The following PAK1IP1 variants were observed in gnomAD, a reference collection of about 807,000 sequenced individuals.
The protein encoded by PAK1IP1 is PAK1 interacting protein 1.
Under a neutral mutation model 42.0 loss-of-function variants are expected in PAK1IP1, and 24 were observed. The ratio of observed to expected loss-of-function variants is 0.57; its 90% CI spans 0.41 to 0.80. The LOEUF (loss-of-function observed/expected upper bound fraction) is 0.80. Among genes scored for constraint, PAK1IP1 ranks in the 30% least tolerant of loss-of-function variants. The probability of loss-of-function intolerance (pLI) is 0.00; values close to 1 mark genes in which losing one functional copy is unlikely to be tolerated. For synonymous variants in PAK1IP1, 154 were observed against 156.7 expected (o/e 0.98, Z 0.13); for missense variants, 411 against 467.9 (o/e 0.88, Z 1.12).
chr6:10,704,970 C>G, intron 7 of PAK1IP1, 126 bp downstream of exon 7: 1 of 682,456 alleles, frequency 1.5e-6, no homozygotes, highest in Non-Finnish European at 2.6e-6. Context: ...TCTACATGTA[C>G]AGTATATGGT....
At chr6:10,699,728 A>T (rs1226840061) in intron 2 of PAK1IP1, among the ~76,000 whole-genome samples, 2 of 152,214 alleles carry the variant, frequency 1.3e-5, no homozygotes, top group East Asian at 3.8e-4. Flanking sequence ...ATTTCAGAGG[A>T]TCCACACCAG....
chr6:10,700,369 C>T (rs1769990599), intron 2 of PAK1IP1, among the ~76,000 whole-genome samples: 1 of 152,076 alleles, frequency 6.6e-6, no homozygotes, highest in African/African-American at 2.4e-5. Context: ...AAAAAAACAA[C>T]TTTTATAATG....
In PAK1IP1 at chr6:10,697,448, A is replaced by G. The variant is rs758617036; in HGVS notation, c.209A>G (p.Lys70Arg). 2 of 1,614,120 alleles carry G rather than the reference A, an allele frequency of 1.2e-6. No homozygotes were observed. Among genetic ancestry groups the G allele is most frequent in the African/African-American group, 1.3e-5 (1 of 75,066 alleles). ...KDETIHIYDM[K>R]KKIEHGALVH... ...GAAACAATTCACATTTATGACATGA[A>G]AAAGAAGATTGAGCATGGGGCTCTA... The change falls in exon 2 of 10, where the codon AAA becomes AGA. Residue 70 changes from lysine (K) to arginine (R), a missense_variant. Lys to Arg is a conservative substitution (Grantham distance 26). Coordinates refer to ENST00000379568, the MANE Select transcript of PAK1IP1 (RefSeq NM_017906.3).
upstream of PAK1IP1, among the ~76,000 whole-genome samples, chr6:10,692,553 G>A (rs1321858125): frequency 2.0e-5 from 3 of 151,946 alleles, no homozygotes; most frequent in African/African-American, 7.3e-5. Context: ...CGATTCTCCC[G>A]CCTCACCCTC....
intron 2 of PAK1IP1, among the ~76,000 whole-genome samples, chr6:10,698,021 C>G (rs866781300): frequency 6.6e-6 from 1 of 152,070 alleles, no homozygotes; most frequent in African/African-American, 2.4e-5. Context: ...TCTGAATTAT[C>G]TTAAAAGAGA....
At chr6:10,702,676 G>T in intron 4 of PAK1IP1, 37 bp downstream of exon 4, 1 of 1,436,390 alleles carries the variant, frequency 7.0e-7, no homozygotes. Context: ...TATCTAAGGT[G>T]TGTGTTTTAC....
intron 8 of PAK1IP1, 98 bp from the exon 9 acceptor site, chr6:10,708,855 C>A: frequency 1.0e-6 from 1 of 987,306 alleles, no homozygotes; most frequent in Non-Finnish European, 1.5e-6. Context: ...ATATTTTGTA[C>A]TCAAGAAAAT....
intron 7 of PAK1IP1, among the ~76,000 whole-genome samples, chr6:10,706,357 T>G (rs1303568014): frequency 6.6e-6 from 1 of 151,866 alleles, no homozygotes; most frequent in Non-Finnish European, 1.5e-5. Context: ...TGGAAGCCAA[T>G]CGGTGCCTGT....
intron 2 of PAK1IP1, among the ~76,000 whole-genome samples, chr6:10,700,974 C>CG (rs1770009196): frequency 6.6e-6 from 1 of 152,138 alleles, no homozygotes; most frequent in East Asian, 1.9e-4. Flanking sequence ...CTAATGCTCT[C>CG]CTTCCCGCAA....
In PAK1IP1 at chr6:10,709,607, A is replaced by ATT. The variant is rs1561896311; in HGVS notation, c.*155_*156insTT. 5.4e-5 allele frequency: 23 copies of ATT among 422,032 alleles called. No individual in the cohort carries two copies. The highest frequency in any genetic ancestry group is 4.6e-4 in the African/African-American group (20 of 43,590). 26.1% of individuals were successfully genotyped at this position (422,032 alleles called of 1,614,324 possible). A position where few individuals can be genotyped will look rare whatever the true frequency, so the allele number is the denominator to read the frequency against. ...CCACTTTTAGATGGTTTTTTTTAAA[A>ATT]AAAAAAAAAAAACTGGTAAAATTAC... On this transcript the variant is annotated 3_prime_UTR_variant, in exon 10 of 10. Coordinates refer to ENST00000379568, the MANE Select transcript of PAK1IP1 (RefSeq NM_017906.3).
intron 7 of PAK1IP1, among the ~76,000 whole-genome samples, chr6:10,706,112 A>G (rs903586135): frequency 1.3e-5 from 2 of 152,174 alleles, no homozygotes; most frequent in African/African-American, 2.4e-5. Flanking sequence ...AAGCAAGCAG[A>G]TCATTATAAC....
At chr6:10,708,689 A>G (rs1285715383) in intron 8 of PAK1IP1, among the ~76,000 whole-genome samples, 3 of 143,486 alleles carry the variant, frequency 2.1e-5, no homozygotes, top group African/African-American at 5.2e-5. Flanking sequence ...CCTGCCCCCC[A>G]CCCCACAACA....
intron 1 of PAK1IP1, 85 bp from the exon 2 acceptor site, chr6:10,697,239 C>A: frequency 1.8e-6 from 2 of 1,090,478 alleles, no homozygotes; most frequent in Non-Finnish European, 2.7e-6. Flanking sequence ...ATAAATGGTT[C>A]CGTGATTCAT....
At chr6:10,703,788 T>C (rs1173769351) in intron 5 of PAK1IP1, among the ~76,000 whole-genome samples, 1 of 152,222 alleles carries the variant, frequency 6.6e-6, no homozygotes, top group African/African-American at 2.4e-5. Context: ...CCCAAGCATT[T>C]TGGATAAGGG....
chr6:10,708,213 C>A (rs2127482162), intron 8 of PAK1IP1, among the ~76,000 whole-genome samples: 1 of 145,908 alleles, frequency 6.9e-6, no homozygotes, highest in East Asian at 2.2e-4. Context: ...ACTGCCAGTC[C>A]CTGGTAACTA....
intron 1 of PAK1IP1, among the ~76,000 whole-genome samples, chr6:10,696,670 C>T (rs541975435): frequency 5.5e-4 from 83 of 152,282 alleles, no homozygotes; most frequent in Non-Finnish European, 9.8e-4. Flanking sequence ...CCACTGGGCG[C>T]GGTGGCTCAT....
chr6:10,704,388 A>G, intron 5 of PAK1IP1, 119 bp from the exon 6 acceptor site: 1 of 649,402 alleles, frequency 1.5e-6, no homozygotes, highest in South Asian at 2.2e-5. Context: ...TGTGTTACGA[A>G]GATGAAATAG....
At chr6:10,692,232 T>G (rs886933039), upstream of PAK1IP1, among the ~76,000 whole-genome samples, 17 of 152,148 alleles carry the variant, frequency 1.1e-4, no homozygotes, top group Non-Finnish European at 7.3e-5. Flanking sequence ...GTAAAATGCA[T>G]AAAGGCACAT....
upstream of PAK1IP1, among the ~76,000 whole-genome samples, chr6:10,691,529 G>A (rs537782378): frequency 2.0e-5 from 3 of 152,140 alleles, no homozygotes; most frequent in East Asian, 3.9e-4. Flanking sequence ...GTCAGGGGTC[G>A]ATCTTTACCA....
Sources: gnomAD v4.1 joint callset for allele counts (sites outside exome capture counted in the v4.1 genomes callset) on GRCh38, gnomAD v4.1.1 for gene constraint, MANE v1.5 for transcripts, NCBI Gene and HGNC (gene_info 2026-07-23, HGNC 2026-07-21) for gene names.